The following APLF variants were observed in gnomAD, a reference collection of about 807,000 sequenced individuals.
APLF encodes the protein aprataxin and PNKP like factor.
In APLF, 61 loss-of-function variants were observed where a neutral mutation model predicts 55.6. The observed-to-expected ratio is 1.10, with a 90% CI of 0.89 to 1.36. The LOEUF is 1.36. APLF is among the 40% of genes most tolerant of loss of function. APLF has a pLI of 0.00. For missense variants in APLF, 611 were observed against 602.5 expected (o/e 1.01, Z -0.15); for synonymous variants, 207 against 214.8 (o/e 0.96, Z 0.32).
intron 1 of APLF, among the ~76,000 whole-genome samples, chr2:68,479,382 A>G (rs1573150116): frequency 6.6e-6 from 1 of 152,260 alleles, no homozygotes; most frequent in Non-Finnish European, 1.5e-5. Flanking sequence ...GACAAAGCCA[A>G]TCAAATAAAT....
intron 3 of APLF, among the ~76,000 whole-genome samples, chr2:68,508,392 G>A (rs1457123358): frequency 1.3e-5 from 2 of 151,806 alleles, no homozygotes; most frequent in East Asian, 3.9e-4. Flanking sequence ...AATGATGCTG[G>A]GACAATTGAA....
intron 7 of APLF, among the ~76,000 whole-genome samples, chr2:68,539,338 A>G (rs972315090): frequency 1.3e-5 from 2 of 152,206 alleles, no homozygotes; most frequent in African/African-American, 4.8e-5. Flanking sequence ...TGGAGGCTGG[A>G]AGCCCTAGAT....
At chr2:68,540,311 T>C (rs1244028163) in intron 7 of APLF, among the ~76,000 whole-genome samples, 1 of 152,160 alleles carries the variant, frequency 6.6e-6, no homozygotes, top group Non-Finnish European at 1.5e-5. Context: ...GTTTCTAGCT[T>C]CATCCATGTC....
chr2:68,490,819 C>T (rs1478459740), intron 2 of APLF, among the ~76,000 whole-genome samples: 5 of 152,102 alleles, frequency 3.3e-5, no homozygotes, highest in African/African-American at 1.2e-4. Flanking sequence ...CAAGAATATA[C>T]AATGTGATTA....
chr2:68,545,438 C>T (rs770084213), intron 8 of APLF, 126 bp downstream of exon 8: 74 of 1,215,538 alleles, frequency 6.1e-5, no homozygotes, highest in Middle Eastern at 4.3e-4. Flanking sequence ...CTGTAGATTA[C>T]AGGTTTTCAT....
At chr2:68,522,405 T>A (rs1669921144) in intron 5 of APLF, among the ~76,000 whole-genome samples, 1 of 151,846 alleles carries the variant, frequency 6.6e-6, no homozygotes, top group Non-Finnish European at 1.5e-5. Flanking sequence ...GATACCTTTT[T>A]ATTTTTATAC....
At chr2:68,550,767 C>G (rs978331912) in intron 8 of APLF, among the ~76,000 whole-genome samples, 1 of 152,046 alleles carries the variant, frequency 6.6e-6, no homozygotes. Context: ...TACCATTTCC[C>G]AAACAGTGCA....
intron 5 of APLF, among the ~76,000 whole-genome samples, chr2:68,515,292 AATATAT>A (rs67524979): frequency 6.7e-6 from 1 of 148,298 alleles, no homozygotes; most frequent in Non-Finnish European, 1.5e-5. Context: ...CTTCATGTGT[AATATAT>A]ATATATATAT....
At chr2:68,518,876 T>C (rs1413525053) in intron 5 of APLF, among the ~76,000 whole-genome samples, 2 of 126,082 alleles carry the variant, frequency 1.6e-5, no homozygotes, top group African/African-American at 6.3e-5. Flanking sequence ...TAATATGTAA[T>C]AAAATATTAA....
chr2:68,534,344 TAGTC>T (rs1300996841), intron 6 of APLF, among the ~76,000 whole-genome samples: 1 of 152,220 alleles, frequency 6.6e-6, no homozygotes, highest in East Asian at 1.9e-4. Flanking sequence ...TCTTTAGCGT[TAGTC>T]AGTGTTAATG....
At position 68,578,394 on chromosome 2, in the gene APLF, C is replaced by A; in HGVS notation, c.*372C>A. Reference sequence around the variant, plus strand: ...ATTATGGAGTACTCTGCAAGTATAACCAGGCAAAGTACATGAAAACATGCC... The same window carrying A: ...ATTATGGAGTACTCTGCAAGTATAAACAGGCAAAGTACATGAAAACATGCC... On this transcript the variant is annotated 3_prime_UTR_variant, in exon 10 of 10. Coordinates refer to ENST00000303795, the MANE Select transcript of APLF (RefSeq NM_173545.3). 1.0e-6 allele frequency: 1 copy of A among 998,664 alleles called. No homozygotes were observed. Among genetic ancestry groups the A allele is most frequent in the East Asian group, 1.1e-4 (1 of 9,492 alleles). The allele number at this position is 998,664 out of a possible 1,614,324, so 61.9% of individuals were successfully genotyped here.
At chr2:68,555,876 C>G (rs777899012) in intron 8 of APLF, among the ~76,000 whole-genome samples, 2 of 152,088 alleles carry the variant, frequency 1.3e-5, no homozygotes, top group African/African-American at 4.8e-5. Flanking sequence ...GAAATGAAGT[C>G]GTCATATGAA....
At position 68,547,581 on chromosome 2, in the gene APLF, G is replaced by A. The variant is rs186507364; in HGVS notation, c.1286+2269G>A. 1.3e-3 allele frequency among the ~76,000 whole-genome samples: 194 copies of A among 151,780 alleles called. 1 individual carries two copies. The highest frequency in any genetic ancestry group is 3.4e-3 in the Middle Eastern group (1 of 292). ...AGGTGACATATTTATGAAAAGGGAC[G>A]TTGCAGGTATTGAGAAAAATGAATT... On this transcript the variant is annotated intron_variant, in intron 8 of 9. Coordinates refer to ENST00000303795, the MANE Select transcript of APLF (RefSeq NM_173545.3).
chr2:68,484,905 G>T (rs578237560), intron 1 of APLF, among the ~76,000 whole-genome samples: 1 of 151,964 alleles, frequency 6.6e-6, no homozygotes, highest in Non-Finnish European at 1.5e-5. Flanking sequence ...ACAAGTAACA[G>T]AAATTTGACA....
In APLF at chr2:68,567,356, C is replaced by T. The variant is rs1309536609; in HGVS notation, c.1302C>T (p.His434=). 6.2e-7 allele frequency: 1 copy of T among 1,605,246 alleles called. No individual in the cohort carries two copies. Among genetic ancestry groups the T allele is most frequent in the African/African-American group, 1.3e-5 (1 of 74,206 alleles). ...GPSCYRKNPQ[H]KIEYRHNTLP... ...CTTCTTTCAGGAAGAATCCCCAGCA[C>T]AAGATAGAATATAGACATAATACGC... Residue 434 remains histidine (H), a synonymous_variant, in exon 9 of 10, where the codon CAC becomes CAT. Coordinates refer to ENST00000303795, the MANE Select transcript of APLF (RefSeq NM_173545.3).
At chr2:68,535,881 TC>T (rs1670372348) in intron 6 of APLF, among the ~76,000 whole-genome samples, 1 of 152,144 alleles carries the variant, frequency 6.6e-6, no homozygotes, top group Admixed American at 6.6e-5. Flanking sequence ...AATTATTTCT[TC>T]CTTTTCTAAA....
Position 68,467,590 on chromosome 2 carries a change from G to C in APLF, c.-142G>C, listed in dbSNP as rs1002834960. The C allele has an allele frequency of 8.6e-6, 5 of 584,756 alleles. No individual in the cohort carries two copies. The highest frequency in any genetic ancestry group is 1.3e-5 in the Non-Finnish European group (5 of 395,882). 36.2% of individuals were successfully genotyped at this position (584,756 alleles called of 1,614,324 possible). ...CTGCGCTGGGGCCGGGCTCTGAGAGGACCGGCGCAGCCGCGGGGAGCCTTT... is the reference window on the plus strand; with the variant it reads ...CTGCGCTGGGGCCGGGCTCTGAGAGCACCGGCGCAGCCGCGGGGAGCCTTT... On this transcript the variant is annotated 5_prime_UTR_variant, in exon 1 of 10. Transcript: ENST00000303795.
chr2:68,496,113 G>T (rs1392135632), intron 2 of APLF, among the ~76,000 whole-genome samples: 2 of 151,984 alleles, frequency 1.3e-5, no homozygotes, highest in Non-Finnish European at 2.9e-5. Flanking sequence ...TTTGTTTTTT[G>T]TTTTTTGAGA....
chr2:68,579,171 A>G lies in APLF; in HGVS notation c.*1149A>G. On this transcript the variant is annotated 3_prime_UTR_variant, in exon 10 of 10. Coordinates refer to ENST00000303795, the MANE Select transcript of APLF (RefSeq NM_173545.3). ...CTTAAAAGATCAAAACATATTTATA[A>G]TAATATTTTCTCATTGCTTTAAAAT... is the stretch of plus-strand genomic sequence containing the variant. 5 of 782,822 alleles carry G rather than the reference A, an allele frequency of 6.4e-6. No homozygotes were observed. Among genetic ancestry groups the G allele is most frequent in the Non-Finnish European group, 7.7e-6 (5 of 645,430 alleles). The allele number at this position is 782,822 out of a possible 1,614,324, so 48.5% of individuals were successfully genotyped here. A position where few individuals can be genotyped will look rare whatever the true frequency, so the allele number is the denominator to read the frequency against.
Sources: gnomAD v4.1 joint callset for allele counts (sites outside exome capture counted in the v4.1 genomes callset) on GRCh38, gnomAD v4.1.1 for gene constraint, MANE v1.5 for transcripts, NCBI Gene and HGNC (gene_info 2026-07-23, HGNC 2026-07-21) for gene names.